The following IL1RAP variants were observed in gnomAD, a reference collection of about 807,000 sequenced individuals.
IL1RAP encodes the protein interleukin-1 receptor accessory protein.
In IL1RAP, 35 loss-of-function variants were observed where a neutral mutation model predicts 60.7. The ratio of observed to expected loss-of-function variants is 0.58; its 90% CI spans 0.44 to 0.76. IL1RAP has a LOEUF of 0.76. Among genes scored for constraint, IL1RAP ranks in the 30% least tolerant of loss-of-function variants. IL1RAP has a pLI of 0.00. For synonymous variants in IL1RAP, 268 were observed against 250.9 expected, an observed-to-expected ratio of 1.07 and a Z score of -0.64; for missense variants, 572 against 693.9, an observed-to-expected ratio of 0.82 and a Z score of 1.97.
At chr3:190,656,075 G>C, downstream of IL1RAP, 1 of 1,537,228 alleles carries the variant, frequency 6.5e-7, no homozygotes, top group Non-Finnish European at 8.7e-7. Context: ...CCGCACCCAG[G>C]CATTCTTCAG....
chr3:190,528,897 G>A (rs1475330165), intron 1 of IL1RAP, among the ~76,000 whole-genome samples: 1 of 152,218 alleles, frequency 6.6e-6, no homozygotes, highest in Admixed American at 6.5e-5. Context: ...ACCGGGGTGA[G>A]TGAATGATAT....
downstream of IL1RAP, chr3:190,655,918 C>A (rs752074959): frequency 7.8e-6 from 12 of 1,537,042 alleles, no homozygotes; most frequent in African/African-American, 2.7e-5. Flanking sequence ...TGATTTCATT[C>A]AGAGAAGCAG....
At chr3:190,553,657 A>G (rs1020658054) in intron 1 of IL1RAP, among the ~76,000 whole-genome samples, 3 of 152,174 alleles carry the variant, frequency 2.0e-5, no homozygotes, top group African/African-American at 7.2e-5. Flanking sequence ...GGAAAAGGCC[A>G]AGGAAAGGCT....
rs1734352636 is a variant in IL1RAP, at chr3:190,650,878, T to C, written c.*2173T>C. 1.5e-5 allele frequency: 15 copies of C among 985,436 alleles called. No homozygotes were observed. Among genetic ancestry groups the C allele is most frequent in the Non-Finnish European group, 1.8e-5 (15 of 829,912 alleles). 61.0% of individuals were successfully genotyped at this position (985,436 alleles called of 1,614,324 possible). ...TAGTCTAGTCACCAAAGGACCATTC[T>C]CTTGCCAATGCTGCATTCCTTTTGC... On this transcript the variant is annotated 3_prime_UTR_variant, in exon 12 of 12. Transcript: ENST00000447382.
At chr3:190,603,345 A>T (rs1445803782) in intron 3 of IL1RAP, among the ~76,000 whole-genome samples, 3 of 152,196 alleles carry the variant, frequency 2.0e-5, no homozygotes, top group Non-Finnish European at 4.4e-5. Context: ...CTCCTTTTTT[A>T]TTTGACTCTG....
chr3:190,616,212 T>C (rs1163723972), intron 5 of IL1RAP, among the ~76,000 whole-genome samples: 1 of 152,220 alleles, frequency 6.6e-6, no homozygotes, highest in Non-Finnish European at 1.5e-5. Context: ...TCGATAGCAC[T>C]TCATTCATAT....
At position 190,629,560 on chromosome 3, in the gene IL1RAP, C is replaced by A. The variant is rs779246678; in HGVS notation, c.1051+62C>A. On this transcript the variant is annotated intron_variant, in intron 9 of 11. Coordinates refer to ENST00000447382, the MANE Select transcript of IL1RAP (RefSeq NM_002182.4). ...AAATTAACATTGTGGTGAATAAGGA[C>A]AAAAGGAGAGATTGAGAACAAGAGA... is the stretch of plus-strand genomic sequence containing the variant. The A allele has an allele frequency of 2.6e-6, 4 of 1,538,704 alleles. No homozygotes were observed. In the South Asian group the frequency reaches 3.8e-5, roughly 15 times the overall value.
At chr3:190,591,517 T>C (rs1728938843) in intron 3 of IL1RAP, among the ~76,000 whole-genome samples, 2 of 152,178 alleles carry the variant, frequency 1.3e-5, no homozygotes, top group African/African-American at 2.4e-5. Flanking sequence ...TTTTCAGCTA[T>C]CTTACTGGAA....
intron 1 of IL1RAP, among the ~76,000 whole-genome samples, chr3:190,530,407 G>C (rs1722891039): frequency 6.6e-6 from 1 of 152,112 alleles, no homozygotes; most frequent in Non-Finnish European, 1.5e-5. Context: ...TAATAATCAA[G>C]GTGGAAAATT....
intron 1 of IL1RAP, among the ~76,000 whole-genome samples, chr3:190,534,887 G>C (rs942393862): frequency 7.1e-6 from 1 of 141,430 alleles, no homozygotes; most frequent in African/African-American, 2.9e-5. Flanking sequence ...ATGTCATCCG[G>C]ATAAGAAGAT....
intron 11 of IL1RAP, among the ~76,000 whole-genome samples, chr3:190,646,320 C>T (rs1450174564): frequency 6.6e-6 from 1 of 152,140 alleles, no homozygotes; most frequent in Non-Finnish European, 1.5e-5. Context: ...ATGTGATTCA[C>T]TGATAATAAT....
chr3:190,516,133 T>C (rs2108577864), intron 1 of IL1RAP: 1 of 152,390 alleles, frequency 6.6e-6, no homozygotes, highest in African/African-American at 2.4e-5. Context: ...TCACAGGCCA[T>C]AGCATTTGTA....
chr3:190,627,585 C>G, intron 8 of IL1RAP, 136 bp downstream of exon 8: 3 of 1,174,892 alleles, frequency 2.6e-6, no homozygotes, highest in Non-Finnish European at 3.5e-6. Context: ...ATTTTCAAAT[C>G]TTTGGTGATT....
chr3:190,626,644 A>G (rs944992179), intron 7 of IL1RAP, among the ~76,000 whole-genome samples: 1 of 151,926 alleles, frequency 6.6e-6, no homozygotes, highest in Non-Finnish European at 1.5e-5. Flanking sequence ...TCTAGGGCTA[A>G]AAAGAATATT....
exon 12 of IL1RAP, chr3:190,657,508 G>T (rs968444639): frequency 6.6e-6 from 1 of 152,168 alleles, no homozygotes; most frequent in African/African-American, 2.4e-5. Context: ...TCCCATTCAG[G>T]CTTCTGAGAA....
intron 3 of IL1RAP, among the ~76,000 whole-genome samples, chr3:190,590,654 A>G (rs1004702757): frequency 1.3e-5 from 2 of 152,202 alleles, no homozygotes; most frequent in African/African-American, 4.8e-5. Flanking sequence ...TTTCACTTGT[A>G]AAATGGGAAG....
chr3:190,617,876 C>T (rs1265633104), intron 5 of IL1RAP, among the ~76,000 whole-genome samples: 1 of 152,070 alleles, frequency 6.6e-6, no homozygotes, highest in Non-Finnish European at 1.5e-5. Context: ...CCCTCACACA[C>T]GTATTAGAAT....
At chr3:190,657,443 G>GAC (rs1734651552) in exon 12 of IL1RAP, 1 of 152,202 alleles carries the variant, frequency 6.6e-6, no homozygotes, top group Admixed American at 6.5e-5. Context: ...TTTTAGAACT[G>GAC]ACAGATGAAA....
At chr3:190,618,498 ATC>A (rs1442350579) in intron 5 of IL1RAP, among the ~76,000 whole-genome samples, 2 of 152,310 alleles carry the variant, frequency 1.3e-5, no homozygotes, top group Non-Finnish European at 2.9e-5. Context: ...TATCTAGAAT[ATC>A]TCTGTCTCAT....
Sources: allele counts gnomAD v4.1 joint callset (sites outside exome capture counted in the v4.1 genomes callset), GRCh38; gene constraint gnomAD v4.1.1; transcripts MANE v1.5; gene names NCBI Gene and HGNC (gene_info 2026-07-23, HGNC 2026-07-21).